Variants in PSAT1 observed in about 807,000 individuals in gnomAD.
The protein encoded by PSAT1 is phosphoserine aminotransferase 1.
PSAT1 carries 41 observed loss-of-function variants against 40.3 expected under a neutral mutation model. That is an observed-to-expected ratio of 1.02 (90% CI 0.79 to 1.32). The LOEUF (loss-of-function observed/expected upper bound fraction) is 1.32, where lower values mean the gene tolerates loss of function less well. PSAT1 is among the 40% of genes most tolerant of loss of function. PSAT1 has a pLI of 0.00. For missense variants in PSAT1, 406 were observed against 455.8 expected (o/e 0.89, Z 0.99); for synonymous variants, 147 against 170.5 (o/e 0.86, Z 1.07).
intron 8 of PSAT1, among the ~76,000 whole-genome samples, chr9:78,328,404 A>G (rs1323147006): frequency 6.6e-6 from 1 of 152,108 alleles, no homozygotes; most frequent in Non-Finnish European, 1.5e-5. Flanking sequence ...TCCATCTTCC[A>G]TGAGGGTTTT....
intron 6 of PSAT1, among the ~76,000 whole-genome samples, chr9:78,313,088 G>C (rs1828290973): frequency 6.6e-6 from 1 of 152,136 alleles, no homozygotes; most frequent in Non-Finnish European, 1.5e-5. Flanking sequence ...CTCTTAGGCT[G>C]GGTGTGGTGG....
At chr9:78,323,388 A>G (rs898324806) in intron 7 of PSAT1, among the ~76,000 whole-genome samples, 1 of 152,180 alleles carries the variant, frequency 6.6e-6, no homozygotes, top group Non-Finnish European at 1.5e-5. Flanking sequence ...CCTGGGCAAC[A>G]TAGTGAGACC....
At chr9:78,317,104 A>G (rs1828356188) in intron 6 of PSAT1, among the ~76,000 whole-genome samples, 1 of 152,204 alleles carries the variant, frequency 6.6e-6, no homozygotes, top group Non-Finnish European at 1.5e-5. Context: ...CTTAAGCTGG[A>G]CAAGGAGGGA....
At chr9:78,316,767 G>A (rs1352269488) in intron 6 of PSAT1, among the ~76,000 whole-genome samples, 1 of 151,996 alleles carries the variant, frequency 6.6e-6, no homozygotes, top group Non-Finnish European at 1.5e-5. Flanking sequence ...TACAATGGGA[G>A]TCAGGACTGG....
intron 8 of PSAT1, among the ~76,000 whole-genome samples, chr9:78,328,699 A>G (rs111900381): frequency 9.8e-5 from 15 of 152,304 alleles, no homozygotes; most frequent in African/African-American, 3.6e-4. Context: ...TCTTCTTCCA[A>G]CTTACCTTTT....
chr9:78,326,949 A>ATTTTTT (rs1458600401), intron 7 of PSAT1, among the ~76,000 whole-genome samples: 3 of 85,534 alleles, frequency 3.5e-5, no homozygotes, highest in African/African-American at 2.4e-4. Context: ...ATATATATAT[A>ATTTTTT]TATATATTTT....
chr9:78,318,374 C>T (rs1325827424), intron 7 of PSAT1, among the ~76,000 whole-genome samples: 3 of 152,144 alleles, frequency 2.0e-5, no homozygotes, highest in Non-Finnish European at 4.4e-5. Context: ...AACCACTGCC[C>T]CTGCACCTGG....
chr9:78,306,537 G>A, intron 5 of PSAT1, 51 bp downstream of exon 5: 1 of 1,607,374 alleles, frequency 6.2e-7, no homozygotes, highest in Non-Finnish European at 8.5e-7. Context: ...GGTGTCTGCA[G>A]GGACATTTTA....
At chr9:78,324,089 T>A (rs1436690149) in intron 7 of PSAT1, among the ~76,000 whole-genome samples, 5 of 152,128 alleles carry the variant, frequency 3.3e-5, no homozygotes, top group Non-Finnish European at 5.9e-5. Context: ...TCCCGGTGTG[T>A]CCCTGAGCAG....
intron 7 of PSAT1, among the ~76,000 whole-genome samples, chr9:78,323,672 C>T (rs977808941): frequency 3.9e-5 from 6 of 152,130 alleles, no homozygotes; most frequent in African/African-American, 7.2e-5. Flanking sequence ...TGCACACAGA[C>T]GTACATGTGT....
chr9:78,305,075 C>T, intron 4 of PSAT1, 135 bp downstream of exon 4: 1 of 773,044 alleles, frequency 1.3e-6, no homozygotes, highest in South Asian at 1.5e-5. Context: ...GGTGGCTGTA[C>T]TAGCTAAGAC....
At chr9:78,308,838 C>T (rs1263255256) in intron 6 of PSAT1, among the ~76,000 whole-genome samples, 1 of 152,004 alleles carries the variant, frequency 6.6e-6, no homozygotes, top group Non-Finnish European at 1.5e-5. Flanking sequence ...GCCTATAATC[C>T]CAGCTACTAA....
intron 7 of PSAT1, among the ~76,000 whole-genome samples, chr9:78,324,347 C>A (rs114749167): frequency 0.019 from 2,820 of 152,242 alleles, 82 homozygotes; most frequent in African/African-American, 0.063. Context: ...CGTGCTCCAC[C>A]AAGATGTTGG....
chr9:78,324,934 C>T (rs1279345223), intron 7 of PSAT1, among the ~76,000 whole-genome samples: 5 of 152,062 alleles, frequency 3.3e-5, no homozygotes, highest in South Asian at 2.1e-4. Context: ...TGGTACAGGC[C>T]CTAGTTCTTT....
chr9:78,306,936 G>A (rs1221890794), intron 5 of PSAT1, among the ~76,000 whole-genome samples: 1 of 152,186 alleles, frequency 6.6e-6, no homozygotes, highest in Non-Finnish European at 1.5e-5. Context: ...TGGCGCTGTA[G>A]GTACATGCCC....
chr9:78,310,745 G>A (rs983171005), intron 6 of PSAT1, among the ~76,000 whole-genome samples: 2 of 152,002 alleles, frequency 1.3e-5, no homozygotes, highest in African/African-American at 4.8e-5. Flanking sequence ...GTAGCTGGGA[G>A]TACAGACGCC....
At chr9:78,321,683 G>C (rs1354588985) in intron 7 of PSAT1, among the ~76,000 whole-genome samples, 1 of 152,154 alleles carries the variant, frequency 6.6e-6, no homozygotes, top group Non-Finnish European at 1.5e-5. Context: ...CCTCCAAGTT[G>C]ATTCCATAGC....
At chr9:78,326,934 A>AATATATATATATATATAT (rs1210919066) in intron 7 of PSAT1, among the ~76,000 whole-genome samples, 111 of 104,454 alleles carry the variant, frequency 1.1e-3, no homozygotes, top group Admixed American at 3.1e-3. Context: ...AAGTGACAGC[A>AATATATATATATATATAT]ATATATATAT....
At chr9:78,304,312 C>G (rs1828148888) in intron 3 of PSAT1, among the ~76,000 whole-genome samples, 1 of 152,190 alleles carries the variant, frequency 6.6e-6, no homozygotes, top group Non-Finnish European at 1.5e-5. Flanking sequence ...TCTTCTTTCC[C>G]TCAATAGAAA....
Sources: gnomAD v4.1 joint callset for allele counts (sites outside exome capture counted in the v4.1 genomes callset) on GRCh38, gnomAD v4.1.1 for gene constraint, MANE v1.5 for transcripts, NCBI Gene and HGNC (gene_info 2026-07-23, HGNC 2026-07-21) for gene names.